CCDC40: variants seen among roughly 807,000 people sequenced by gnomAD.
The protein encoded by CCDC40 is coiled-coil domain 40 molecular ruler complex subunit, also known as coiled-coil domain-containing protein 40.
In CCDC40, 104 loss-of-function variants were observed where a neutral mutation model predicts 124.5. The observed-to-expected ratio is 0.84, with a 90% CI of 0.71 to 0.98. The LOEUF (loss-of-function observed/expected upper bound fraction) is 0.98. CCDC40 is among the 50% of genes least tolerant of loss of function. The pLI, the probability that CCDC40 is intolerant of heterozygous loss-of-function variation, is 0.00. For missense variants in CCDC40, 1,463 were observed against 1,503.9 expected (o/e 0.97, Z 0.45); for synonymous variants, 580 against 602.9 (o/e 0.96, Z 0.56).
In CCDC40 at chr17:80,088,024, A is replaced by G; in HGVS notation, c.2633A>G (p.Glu878Gly). 1 of 1,558,716 alleles carries G rather than the reference A, an allele frequency of 6.4e-7. No individual in the cohort carries two copies. Among genetic ancestry groups the G allele is most frequent in the Non-Finnish European group, 8.8e-7 (1 of 1,140,496 alleles). Residue 878 changes from glutamate (E) to glycine (G), a missense_variant, in exon 16 of 20, where the codon GAG (glutamate) becomes GGG (glycine). Transcript: ENST00000397545. ...FVRSLKASER[E>G]TIKMQDKLNQ... ...TCCCCCATGCAGGCCTCTGAGAGGG[A>G]GACCATCAAGATGCAGGACAAGCTG...
intron 7 of CCDC40, chr17:80,051,277 C>G: frequency 1.0e-6 from 1 of 977,148 alleles, no homozygotes; most frequent in Non-Finnish European, 1.2e-6. Context: ...ATTTTAAACC[C>G]TGAGAAAAGT....
chr17:80,069,884 T>TCA (rs965398514), intron 10 of CCDC40, among the ~76,000 whole-genome samples: 4 of 152,226 alleles, frequency 2.6e-5, no homozygotes, highest in African/African-American at 7.2e-5. Context: ...CCCTCAGTCC[T>TCA]GATGATGGCA....
intron 10 of CCDC40, among the ~76,000 whole-genome samples, chr17:80,080,242 C>T (rs2038417210): frequency 6.6e-6 from 1 of 151,210 alleles, no homozygotes; most frequent in African/African-American, 2.4e-5. Context: ...TAAAGTACCG[C>T]AGAACATCTC....
At chr17:80,090,050 G>A (rs1216122300) in intron 17 of CCDC40, 166 bp downstream of exon 17, 2 of 1,536,662 alleles carry the variant, frequency 1.3e-6, no homozygotes, top group East Asian at 4.9e-5. Context: ...ACCCGCTCCA[G>A]CAGAGTGACC....
intron 7 of CCDC40, among the ~76,000 whole-genome samples, chr17:80,057,330 C>T (rs961191312): frequency 4.0e-5 from 6 of 151,806 alleles, no homozygotes; most frequent in African/African-American, 1.2e-4. Context: ...TCAAGTGATC[C>T]GCCCACCTCG....
rs1048572063 is a variant in CCDC40, at chr17:80,058,103, C to G, written c.1160-391C>G. On this transcript the variant is annotated intron_variant, in intron 7 of 19. Transcript: ENST00000397545. This position sits in a 1 kb window ranked among gnomAD's most constrained non-coding sequence, Gnocchi z 4.2. ...CTGCCCTGGATGTTCTCGTCTCCTC[C>G]CAGGGGACTTAAGACTCCACCTAAG... 6.6e-6 allele frequency among the ~76,000 whole-genome samples: 1 copy of G among 152,058 alleles called. No individual in the cohort carries two copies. Among genetic ancestry groups the G allele is most frequent in the African/African-American group, 2.4e-5 (1 of 41,408 alleles).
intron 7 of CCDC40, among the ~76,000 whole-genome samples, chr17:80,057,452 C>T (rs1256205845): frequency 6.6e-6 from 1 of 152,180 alleles, no homozygotes; most frequent in African/African-American, 2.4e-5. Flanking sequence ...GATATGCGTC[C>T]AGCAGCCTTT....
chr17:80,085,065 A>G, intron 13 of CCDC40, 77 bp downstream of exon 13: 1 of 1,556,834 alleles, frequency 6.4e-7, no homozygotes, highest in Non-Finnish European at 8.7e-7. Context: ...CAGATCCCCC[A>G]CGGTCAGACA....
intron 7 of CCDC40, among the ~76,000 whole-genome samples, chr17:80,056,300 T>C (rs536552406): frequency 1.6e-4 from 25 of 152,052 alleles, no homozygotes; most frequent in Admixed American, 7.9e-4. Context: ...TAGCAACACG[T>C]GCTGCGGATA....
At chr17:80,090,968 T>TG (rs1168626658) in intron 17 of CCDC40, 1 of 345,580 alleles carries the variant, frequency 2.9e-6, no homozygotes, top group Admixed American at 5.3e-5. Context: ...CTCCACAGAG[T>TG]GGGGGCCAAA....
intron 10 of CCDC40, among the ~76,000 whole-genome samples, chr17:80,076,383 G>T (rs192556987): frequency 2.4e-4 from 37 of 152,138 alleles, no homozygotes; most frequent in African/African-American, 8.9e-4. Flanking sequence ...AGACCAGCCT[G>T]GGCAACATGG....
At chr17:80,062,673 G>A (rs1377631216) in intron 9 of CCDC40, among the ~76,000 whole-genome samples, 4 of 152,090 alleles carry the variant, frequency 2.6e-5, no homozygotes, top group African/African-American at 7.2e-5. Flanking sequence ...TCAAACTTCT[G>A]GGTCCAAGCA....
intron 3 of CCDC40, among the ~76,000 whole-genome samples, chr17:80,044,704 A>ATGTGTGTATATATATAT (rs1485851817): frequency 4.0e-4 from 15 of 37,222 alleles, no homozygotes; most frequent in African/African-American, 7.9e-5. Flanking sequence ...AAAACAAACA[A>ATGTGTGTATATATATAT]ACAAAAAAAA....
intron 10 of CCDC40, among the ~76,000 whole-genome samples, chr17:80,071,831 CTTTTTTTTT>C (rs35874742): frequency 2.2e-5 from 2 of 88,956 alleles, no homozygotes; most frequent in East Asian, 6.9e-4. Flanking sequence ...GGTTTTTCAG[CTTTTTTTTT>C]TTTTTTTTTT....
chr17:80,078,724 T>A (rs954831790), intron 10 of CCDC40, among the ~76,000 whole-genome samples: 4 of 152,216 alleles, frequency 2.6e-5, no homozygotes, highest in African/African-American at 9.6e-5. Context: ...TCTTTGATGT[T>A]GTTTTACAAA....
At chr17:80,088,793 C>T (rs370370492) in intron 16 of CCDC40, among the ~76,000 whole-genome samples, 3 of 152,236 alleles carry the variant, frequency 2.0e-5, no homozygotes, top group Admixed American at 1.3e-4. Flanking sequence ...GGCGACAGAG[C>T]GAGACCCTGT....
intron 3 of CCDC40, among the ~76,000 whole-genome samples, chr17:80,042,076 A>C (rs531702184): frequency 1.3e-5 from 2 of 152,284 alleles, no homozygotes; most frequent in Non-Finnish European, 2.9e-5. Flanking sequence ...TTTGCTTACA[A>C]ACGTATACAG....
At chr17:80,068,986 T>A (rs2038120421) in intron 10 of CCDC40, among the ~76,000 whole-genome samples, 1 of 152,214 alleles carries the variant, frequency 6.6e-6, no homozygotes, top group African/African-American at 2.4e-5. Context: ...CCGAAGTTCA[T>A]GGCCTGTCCG....
chr17:80,059,435 G>GC (rs1252606288), intron 9 of CCDC40, among the ~76,000 whole-genome samples: 2 of 150,388 alleles, frequency 1.3e-5, no homozygotes, highest in Non-Finnish European at 2.9e-5. Context: ...CTCCCTCTTG[G>GC]CCCCAGATTC....
Sources: gnomAD v4.1 joint callset for allele counts (sites outside exome capture counted in the v4.1 genomes callset) on GRCh38, gnomAD v4.1.1 for gene constraint, Gnocchi (gnomAD v3.1) non-coding constraint, MANE v1.5 for transcripts, NCBI Gene and HGNC (gene_info 2026-07-23, HGNC 2026-07-21) for gene names.